ELMO1: variants seen among roughly 807,000 people sequenced by gnomAD.
ELMO1 encodes the protein engulfment and cell motility protein 1.
ELMO1 carries 26 observed loss-of-function variants against 98.9 expected under a neutral mutation model. That is an observed-to-expected ratio of 0.26 (90% CI 0.19 to 0.36). The LOEUF (loss-of-function observed/expected upper bound fraction) is 0.36, where lower values mean the gene tolerates loss of function less well. Among genes scored for constraint, ELMO1 ranks in the 10% least tolerant of loss-of-function variants. The pLI is 1.00. For missense variants in ELMO1, 627 were observed against 935.2 expected (o/e 0.67, Z 4.30); for synonymous variants, 346 against 346.0 (o/e 1.00, Z 0.00).
At chr7:36,963,972 C>G (rs1789186970) in intron 16 of ELMO1, among the ~76,000 whole-genome samples, 1 of 152,116 alleles carries the variant, frequency 6.6e-6, no homozygotes, top group Admixed American at 6.5e-5. Context: ...GATAACCTAC[C>G]TTTAGATCCC....
rs116344576 is a variant in ELMO1, at chr7:37,349,934, G to A, written c.-73-7171C>T. Among the ~76,000 whole-genome samples the A allele has an allele frequency of 1.2e-3, 183 of 152,300 alleles. 2 individuals are homozygous for A. The highest frequency in any genetic ancestry group is 4.1e-3 in the African/African-American group (170 of 41,564). On this transcript the variant is annotated intron_variant, in intron 1 of 21. Transcript: ENST00000310758. ...TCTAGGTCAAGGAATACATGAAGTC[G>A]GTGGTGTGGTCAGCTGACATTATTC...
chr7:37,397,046 T>C (rs900169963), intron 1 of ELMO1, among the ~76,000 whole-genome samples: 3 of 152,178 alleles, frequency 2.0e-5, no homozygotes, highest in East Asian at 3.8e-4. Context: ...AGACTGAAGA[T>C]AGGAATTTTT....
At chr7:37,085,348 T>C (rs1391948176) in intron 15 of ELMO1, among the ~76,000 whole-genome samples, 1 of 152,228 alleles carries the variant, frequency 6.6e-6, no homozygotes, top group Non-Finnish European at 1.5e-5. Flanking sequence ...TTATTTTTTT[T>C]CCATTTGTTT....
intron 15 of ELMO1, among the ~76,000 whole-genome samples, chr7:37,053,285 AACACACACACACACACAC>A (rs59573752): frequency 1.5e-4 from 21 of 138,870 alleles, no homozygotes; most frequent in South Asian, 7.1e-4. Flanking sequence ...CATTTGTTAA[AACACACACACACACACAC>A]ACACACACAC....
intron 1 of ELMO1, among the ~76,000 whole-genome samples, chr7:37,356,994 A>ATCC: frequency 6.6e-6 from 1 of 152,156 alleles, no homozygotes; most frequent in African/African-American, 2.4e-5. Flanking sequence ...CCTGCCCTAT[A>ATCC]TCCAGGAGGA....
chr7:37,325,168 T>C (rs1202973684), intron 2 of ELMO1, among the ~76,000 whole-genome samples: 1 of 152,186 alleles, frequency 6.6e-6, no homozygotes, highest in Non-Finnish European at 1.5e-5. Context: ...AATTCCTCCT[T>C]CTTCCTTAAA....
chr7:37,104,277 T>C (rs996233154), intron 14 of ELMO1, among the ~76,000 whole-genome samples: 5 of 151,158 alleles, frequency 3.3e-5, no homozygotes, highest in African/African-American at 1.2e-4. Context: ...GTTAAAATTA[T>C]ATGGTACTGC....
chr7:37,093,253 T>C (rs1371297521), intron 15 of ELMO1, among the ~76,000 whole-genome samples: 1 of 152,224 alleles, frequency 6.6e-6, no homozygotes, highest in Non-Finnish European at 1.5e-5. Context: ...ATTAATATGT[T>C]TGCTTTAGAC....
chr7:37,355,200 G>A lies in ELMO1; in HGVS notation c.-73-12437C>T, dbSNP rs911639005. The stretch of plus-strand genomic sequence containing the variant: ...GGTTCACCCACATTGAAAACGCTGT[G>A]ACTCTGGACAAATTACACAACATGT... On this transcript the variant is annotated intron_variant, in intron 1 of 21. Coordinates refer to ENST00000310758, the MANE Select transcript of ELMO1 (RefSeq NM_014800.11). 5.3e-5 allele frequency among the ~76,000 whole-genome samples: 8 copies of A among 152,184 alleles called. No individual in the cohort carries two copies. The East Asian group carries it at 1.5e-3, about 29-fold the overall frequency.
intron 2 of ELMO1, among the ~76,000 whole-genome samples, chr7:37,337,603 A>G (rs1272541156): frequency 1.3e-5 from 2 of 151,962 alleles, no homozygotes; most frequent in Non-Finnish European, 1.5e-5. Context: ...AATTGGGACC[A>G]CCTCTTCCCT....
At chr7:36,896,966 A>C (rs1264409528) in intron 16 of ELMO1, among the ~76,000 whole-genome samples, 1 of 152,206 alleles carries the variant, frequency 6.6e-6, no homozygotes. Flanking sequence ...AATACCAAAA[A>C]TGAAGATATG....
At chr7:37,175,085 G>A (rs1790427725) in intron 13 of ELMO1, among the ~76,000 whole-genome samples, 1 of 152,062 alleles carries the variant, frequency 6.6e-6, no homozygotes, top group Middle Eastern at 3.4e-3. Flanking sequence ...GGAGTGGAAG[G>A]GAAAAAAGGA....
chr7:37,285,615 A>G (rs1797354607), intron 4 of ELMO1, among the ~76,000 whole-genome samples: 1 of 152,232 alleles, frequency 6.6e-6, no homozygotes, highest in Non-Finnish European at 1.5e-5. Context: ...GTGTTCATGC[A>G]CTAAGTACTG....
At chr7:37,101,567 C>T (rs150550601) in intron 14 of ELMO1, among the ~76,000 whole-genome samples, 4 of 152,120 alleles carry the variant, frequency 2.6e-5, no homozygotes, top group African/African-American at 4.8e-5. Flanking sequence ...GAAGCAGTTA[C>T]AAAAAATAAA....
chr7:37,370,164 G>C (rs1032837302), intron 1 of ELMO1, among the ~76,000 whole-genome samples: 1 of 152,188 alleles, frequency 6.6e-6, no homozygotes, highest in Non-Finnish European at 1.5e-5. Context: ...ACTGTTATCT[G>C]CATAATAAGA....
At chr7:37,214,830 C>G (rs960634596) in intron 11 of ELMO1, among the ~76,000 whole-genome samples, 1 of 152,206 alleles carries the variant, frequency 6.6e-6, no homozygotes, top group Non-Finnish European at 1.5e-5. Context: ...GTACCAACCT[C>G]GAACTTCAGC....
intron 15 of ELMO1, among the ~76,000 whole-genome samples, chr7:37,086,444 G>A (rs767573760): frequency 1.3e-5 from 2 of 150,422 alleles, no homozygotes; most frequent in Non-Finnish European, 3.0e-5. Context: ...GATGAACCTG[G>A]GTGAATGAGT....
At chr7:37,318,702 C>A (rs1799332148) in intron 2 of ELMO1, among the ~76,000 whole-genome samples, 1 of 152,162 alleles carries the variant, frequency 6.6e-6, no homozygotes, top group Admixed American at 6.5e-5. Flanking sequence ...GTTGAGTGAA[C>A]ACCCATAGGT....
At chr7:36,965,644 C>T (rs2129126191) in intron 16 of ELMO1, among the ~76,000 whole-genome samples, 1 of 152,254 alleles carries the variant, frequency 6.6e-6, no homozygotes, top group South Asian at 2.1e-4. Flanking sequence ...GCAAAAGAAT[C>T]CTGTCTCTAA....
Sources: allele counts gnomAD v4.1 joint callset (sites outside exome capture counted in the v4.1 genomes callset), GRCh38; gene constraint gnomAD v4.1.1; transcripts MANE v1.5; gene names NCBI Gene and HGNC (gene_info 2026-07-23, HGNC 2026-07-21).